Variants in HIBADH observed in about 807,000 individuals in gnomAD.
HIBADH encodes 3-hydroxyisobutyrate dehydrogenase, mitochondrial.
A neutral mutation model predicts 36.1 loss-of-function variants in HIBADH; 25 were observed. The observed-to-expected ratio is 0.69, with a 90% confidence interval of 0.50 to 0.97. The LOEUF (loss-of-function observed/expected upper bound fraction) is 0.97, where lower values mean the gene tolerates loss of function less well. Ranked by LOEUF, HIBADH falls within the 50% of genes least tolerant of loss-of-function variation. The probability of loss-of-function intolerance (pLI) is 0.00; values close to 1 mark genes in which losing one functional copy is unlikely to be tolerated. For synonymous variants in HIBADH, 160 were observed against 149.5 expected (o/e 1.07, Z -0.51); for missense variants, 421 against 418.0 (o/e 1.01, Z -0.06).
intron 4 of HIBADH, among the ~76,000 whole-genome samples, chr7:27,620,547 A>G (rs946132380): frequency 8.5e-5 from 13 of 152,158 alleles, no homozygotes; most frequent in Non-Finnish European, 1.8e-4. Flanking sequence ...TACTGTATCC[A>G]ACAAAATTAC....
Position 27,622,182 on chromosome 7 carries a change from C to T in HIBADH, c.484+7189G>A, listed in dbSNP as rs985031503. ...ACCCCTTGTGTCCAGGAGGTTGAGG[C>T]TGCAGTGAGCTGTGATTGCACCACT... On this transcript the variant is annotated intron_variant, in intron 4 of 7. Transcript: ENST00000265395. Among the ~76,000 whole-genome samples, 3 of 151,996 alleles carry T rather than the reference C, an allele frequency of 2.0e-5. No individual in the cohort carries two copies. The East Asian group carries it at 5.8e-4, about 29-fold the overall frequency.
chr7:27,608,347 T>G (rs371088579), intron 4 of HIBADH, among the ~76,000 whole-genome samples: 110 of 152,298 alleles, frequency 7.2e-4, no homozygotes, highest in African/African-American at 2.5e-3. Flanking sequence ...GAAGGAAAGA[T>G]GACTACTATG....
At chr7:27,550,646 T>A (rs1364341833) in intron 4 of HIBADH, among the ~76,000 whole-genome samples, 2 of 152,212 alleles carry the variant, frequency 1.3e-5, no homozygotes, top group Admixed American at 1.3e-4. Flanking sequence ...AAGTATTTCA[T>A]GACCCCCCTT....
At chr7:27,659,606 C>T (rs1786376202) in intron 1 of HIBADH, among the ~76,000 whole-genome samples, 1 of 151,968 alleles carries the variant, frequency 6.6e-6, no homozygotes, top group African/African-American at 2.4e-5. Flanking sequence ...CCTGTGGTCC[C>T]AGCTACTTGG....
At chr7:27,640,402 C>T (rs1359124726) in intron 2 of HIBADH, among the ~76,000 whole-genome samples, 1 of 152,080 alleles carries the variant, frequency 6.6e-6, no homozygotes, top group Non-Finnish European at 1.5e-5. Context: ...TGGTGGTGCA[C>T]ACCTGTGGTC....
intron 4 of HIBADH, among the ~76,000 whole-genome samples, chr7:27,585,050 C>A (rs573740766): frequency 2.2e-4 from 34 of 152,058 alleles, no homozygotes; most frequent in African/African-American, 8.0e-4. Flanking sequence ...AGTGGAATTA[C>A]TTGGTAAATT....
chr7:27,574,518 T>G (rs113381351), intron 4 of HIBADH, among the ~76,000 whole-genome samples: 16,960 of 152,218 alleles, frequency 0.11, 1,078 homozygotes, highest in Non-Finnish European at 0.14. Flanking sequence ...TTACCTTTTT[T>G]ATTTGTAAAC....
chr7:27,545,554 A>G (rs1053081825), intron 4 of HIBADH, among the ~76,000 whole-genome samples: 1 of 152,238 alleles, frequency 6.6e-6, no homozygotes, highest in Non-Finnish European at 1.5e-5. Context: ...TATGGATTTC[A>G]GGAGACATTG....
At chr7:27,579,021 G>A (rs1198730541) in intron 4 of HIBADH, among the ~76,000 whole-genome samples, 1 of 152,114 alleles carries the variant, frequency 6.6e-6, no homozygotes, top group East Asian at 1.9e-4. Context: ...ATTTTTAAAG[G>A]GAGGGCATGG....
At chr7:27,577,084 T>TA (rs1784721313) in intron 4 of HIBADH, among the ~76,000 whole-genome samples, 1 of 151,822 alleles carries the variant, frequency 6.6e-6, no homozygotes, top group Non-Finnish European at 1.5e-5. Flanking sequence ...AAATTTTTCT[T>TA]AAAGAGATTT....
intron 1 of HIBADH, among the ~76,000 whole-genome samples, chr7:27,653,319 A>G (rs1351746633): frequency 1.3e-5 from 2 of 152,214 alleles, no homozygotes; most frequent in African/African-American, 4.8e-5. Flanking sequence ...GAGGTCCAAA[A>G]TGACAGTAAG....
intron 2 of HIBADH, chr7:27,647,740 A>G (rs2128296794): frequency 7.5e-6 from 3 of 399,838 alleles, no homozygotes; most frequent in South Asian, 1.9e-5. Flanking sequence ...GTAACTTCAG[A>G]GTATGAGGTA....
intron 2 of HIBADH, among the ~76,000 whole-genome samples, chr7:27,640,580 T>G (rs1277050480): frequency 6.6e-6 from 1 of 152,196 alleles, no homozygotes; most frequent in Non-Finnish European, 1.5e-5. Context: ...ATCGTATATA[T>G]TCAAGGCAAC....
chr7:27,530,372 A>AT (rs959585229), intron 7 of HIBADH, among the ~76,000 whole-genome samples: 1 of 151,762 alleles, frequency 6.6e-6, no homozygotes, highest in Admixed American at 6.6e-5. Flanking sequence ...CGCCCGACTA[A>AT]TTTTTTTTAT....
At chr7:27,613,583 C>G (rs4478473) in intron 4 of HIBADH, among the ~76,000 whole-genome samples, 33,493 of 151,300 alleles carry the variant, frequency 0.22, 4,280 homozygotes, top group East Asian at 0.5. Flanking sequence ...ATTTCCAGAA[C>G]TAAAAGTCCT....
At chr7:27,573,104 G>A (rs1398855613) in intron 4 of HIBADH, among the ~76,000 whole-genome samples, 2 of 152,110 alleles carry the variant, frequency 1.3e-5, no homozygotes. Flanking sequence ...GCATAAAGGC[G>A]AAAAAAGTAG....
chr7:27,610,997 A>T (rs903663519), intron 4 of HIBADH, among the ~76,000 whole-genome samples: 4 of 152,158 alleles, frequency 2.6e-5, no homozygotes, highest in Non-Finnish European at 5.9e-5. Flanking sequence ...AAGCAAGCCT[A>T]CCTCTCTAAG....
At chr7:27,541,117 T>C (rs1445523781) in intron 5 of HIBADH, among the ~76,000 whole-genome samples, 1 of 149,388 alleles carries the variant, frequency 6.7e-6, no homozygotes, top group Non-Finnish European at 1.5e-5. Context: ...TCCTAATAAA[T>C]GTCCTTCGAG....
chr7:27,655,102 T>A (rs1447832582), intron 1 of HIBADH, among the ~76,000 whole-genome samples: 2 of 152,180 alleles, frequency 1.3e-5, no homozygotes, highest in Admixed American at 6.5e-5. Flanking sequence ...AAGCTGTTTT[T>A]AAAAAGTCAG....
Sources: allele counts gnomAD v4.1 joint callset (sites outside exome capture counted in the v4.1 genomes callset), GRCh38; gene constraint gnomAD v4.1.1; transcripts MANE v1.5; gene names NCBI Gene and HGNC (gene_info 2026-07-23, HGNC 2026-07-21).